SLC1A2: variants seen among roughly 807,000 people sequenced by gnomAD.
SLC1A2 encodes the protein excitatory amino acid transporter 2.
In SLC1A2, 15 loss-of-function variants were observed where a neutral mutation model predicts 48.8. That is an observed-to-expected ratio of 0.31 (90% confidence interval 0.21 to 0.47). The LOEUF is 0.47. Ranked by LOEUF, SLC1A2 falls within the 20% of genes least tolerant of loss-of-function variation. The pLI is 0.99. For missense variants in SLC1A2, 502 were observed against 730.5 expected (o/e 0.69, Z 3.61); for synonymous variants, 279 against 272.6 (o/e 1.02, Z -0.23).
chr11:35,306,825 C>T (rs771539687), intron 4 of SLC1A2, among the ~76,000 whole-genome samples: 10 of 152,280 alleles, frequency 6.6e-5, no homozygotes, highest in East Asian at 1.9e-4. Context: ...CCTAAGATAA[C>T]GACCGCCAGT....
intron 1 of SLC1A2, among the ~76,000 whole-genome samples, chr11:35,358,096 G>C (rs1853547427): frequency 6.6e-6 from 1 of 151,480 alleles, no homozygotes; most frequent in Non-Finnish European, 1.5e-5. Context: ...AGTGAGTCGA[G>C]ATTGTGTCAC....
rs561300789 is a variant in SLC1A2, at chr11:35,265,089, G to A, written c.1653+438C>T. On this transcript the variant is annotated intron_variant, in intron 10 of 10. Transcript: ENST00000278379. ...TCAGCCTCCTGACTAGCAGGAGGGC[G>A]CCCGCCACCACACCTGGCTAATTTT... 17 of 164,400 alleles carry A rather than the reference G, an allele frequency of 1.0e-4. No homozygotes were observed. In the South Asian group the frequency reaches 1.1e-3, roughly 10 times the overall value. The allele number at this position is 164,400 out of a possible 1,614,324, so 10.2% of individuals were successfully genotyped here.
intron 9 of SLC1A2, among the ~76,000 whole-genome samples, chr11:35,269,507 G>T (rs899960351): frequency 6.6e-6 from 1 of 152,168 alleles, no homozygotes; most frequent in Non-Finnish European, 1.5e-5. Context: ...ATGAACAAAA[G>T]CACAAAATAT....
chr11:35,329,883 C>A (rs1043277256), intron 1 of SLC1A2, among the ~76,000 whole-genome samples: 1 of 152,210 alleles, frequency 6.6e-6, no homozygotes, highest in African/African-American at 2.4e-5. Context: ...CAGTTGCCAT[C>A]AGACAATGTA....
At chr11:35,296,722 T>G (rs1214130541) in intron 6 of SLC1A2, among the ~76,000 whole-genome samples, 1 of 152,074 alleles carries the variant, frequency 6.6e-6, no homozygotes, top group Non-Finnish European at 1.5e-5. Context: ...TATTCTCCCC[T>G]CAGTTCTTCA....
intron 1 of SLC1A2, among the ~76,000 whole-genome samples, chr11:35,328,909 T>A (rs2134973587): frequency 6.6e-6 from 1 of 152,268 alleles, no homozygotes; most frequent in South Asian, 2.1e-4. Context: ...TTGTTAAAAA[T>A]ACAGATCTCC....
intron 9 of SLC1A2, among the ~76,000 whole-genome samples, chr11:35,279,554 T>C (rs928751708): frequency 6.6e-6 from 1 of 152,208 alleles, no homozygotes; most frequent in African/African-American, 2.4e-5. Flanking sequence ...TTGACTGGAA[T>C]GTCCTGTCTC....
At chr11:35,289,695 A>T (rs1041502439) in intron 7 of SLC1A2, among the ~76,000 whole-genome samples, 3 of 152,264 alleles carry the variant, frequency 2.0e-5, no homozygotes, top group African/African-American at 7.2e-5. Context: ...ATAAAAAGTC[A>T]TATTGTATTA....
chr11:35,296,628 C>G (rs1020994337), intron 6 of SLC1A2, among the ~76,000 whole-genome samples: 2 of 152,096 alleles, frequency 1.3e-5, no homozygotes, highest in African/African-American at 2.4e-5. Flanking sequence ...TCCTTTTGCC[C>G]CCTTTCACCA....
At chr11:35,318,955 T>C (rs1486727999) in intron 1 of SLC1A2, among the ~76,000 whole-genome samples, 2 of 152,340 alleles carry the variant, frequency 1.3e-5, no homozygotes, top group East Asian at 3.9e-4. Flanking sequence ...ATATACTTGC[T>C]ACCCAAATGT....
At chr11:35,313,034 G>T (rs1218423563) in intron 3 of SLC1A2, among the ~76,000 whole-genome samples, 1 of 152,176 alleles carries the variant, frequency 6.6e-6, no homozygotes, top group Non-Finnish European at 1.5e-5. Context: ...TTAAAATAAA[G>T]TTGAAGACAT....
At chr11:35,327,058 A>G (rs1202501520) in intron 1 of SLC1A2, among the ~76,000 whole-genome samples, 2 of 152,258 alleles carry the variant, frequency 1.3e-5, no homozygotes, top group African/African-American at 4.8e-5. Flanking sequence ...TACCATTGCC[A>G]GGATCAGTCT....
At chr11:35,398,425 C>G (rs1030411737) in intron 1 of SLC1A2, among the ~76,000 whole-genome samples, 1 of 152,152 alleles carries the variant, frequency 6.6e-6, no homozygotes, top group Non-Finnish European at 1.5e-5. Context: ...AAACCAAACA[C>G]CACATGTTCT....
chr11:35,419,454 C>A lies in SLC1A2; in HGVS notation c.-488G>T. The A allele has an allele frequency of 5.9e-6, 1 of 170,352 alleles. No individual in the cohort carries two copies. The highest frequency in any genetic ancestry group is 1.2e-5 in the Non-Finnish European group (1 of 80,228). 10.6% of individuals were successfully genotyped at this position (170,352 alleles called of 1,614,324 possible). ...TGGGGAGGCGGTGGAGGCCGCTGCG[C>A]TCTGGCTCGGCGCCGGCCAGGGAGG... On this transcript the variant is annotated 5_prime_UTR_variant, in exon 1 of 11. Coordinates refer to ENST00000278379, the MANE Select transcript of SLC1A2 (RefSeq NM_004171.4). This position sits in a 1 kb window ranked among gnomAD's most constrained non-coding sequence, Gnocchi z 5.4.
intron 1 of SLC1A2, among the ~76,000 whole-genome samples, chr11:35,367,783 T>C (rs922524412): frequency 1.3e-5 from 2 of 152,226 alleles, no homozygotes; most frequent in African/African-American, 4.8e-5. Flanking sequence ...TCTAGTATTA[T>C]TTCTGTAATA....
intron 3 of SLC1A2, 25 bp from the exon 4 acceptor site, chr11:35,312,473 G>C: frequency 6.2e-7 from 1 of 1,612,186 alleles, no homozygotes; most frequent in Non-Finnish European, 8.5e-7. Flanking sequence ...AATGCAGAAG[G>C]ATTAATTCTA....
In SLC1A2 at chr11:35,312,180, A is replaced by T; in HGVS notation, c.561+18T>A. ...CTTAGAGGACTGGAGAAGAGAGAAC[A>T]TCTGAACTCTGGGTTACCTGTTGAA... On this transcript the variant is annotated intron_variant, in intron 4 of 10. Transcript: ENST00000278379. 1 of 1,613,392 alleles carries T rather than the reference A, an allele frequency of 6.2e-7. No homozygotes were observed. The highest frequency in any genetic ancestry group is 8.5e-7 in the Non-Finnish European group (1 of 1,179,350).
chr11:35,285,164 T>A (rs1850772148), intron 8 of SLC1A2, among the ~76,000 whole-genome samples: 1 of 152,190 alleles, frequency 6.6e-6, no homozygotes, highest in Admixed American at 6.5e-5. Flanking sequence ...TTTTTTTGAG[T>A]CACAGTCAGA....
intron 1 of SLC1A2, among the ~76,000 whole-genome samples, chr11:35,393,627 G>A (rs1400529647): frequency 2.0e-5 from 3 of 152,186 alleles, no homozygotes; most frequent in Non-Finnish European, 2.9e-5. Context: ...AATTGAATTA[G>A]GATTTGGCAA....
Sources: gnomAD v4.1 joint callset for allele counts (sites outside exome capture counted in the v4.1 genomes callset) on GRCh38, gnomAD v4.1.1 for gene constraint, Gnocchi (gnomAD v3.1) non-coding constraint, MANE v1.5 for transcripts, NCBI Gene and HGNC (gene_info 2026-07-23, HGNC 2026-07-21) for gene names.